Variants in ANK2 observed in about 807,000 individuals in gnomAD.
ANK2 encodes ankyrin-2.
Under a neutral mutation model 360.5 loss-of-function variants are expected in ANK2, and 83 were observed. The ratio of observed to expected loss-of-function variants is 0.23; its 90% confidence interval spans 0.19 to 0.28. The LOEUF is 0.28. ANK2 is among the 10% of genes least tolerant of loss of function. The pLI is 1.00. For synonymous variants in ANK2, 1,740 were observed against 1,759.5 expected, an observed-to-expected ratio of 0.99 and a Z score of 0.28; for missense variants, 4,201 against 4,795.7, an observed-to-expected ratio of 0.88 and a Z score of 3.66.
At position 113,282,792 on chromosome 4, in the gene ANK2, C is replaced by T; in HGVS notation, c.1999C>T (p.His667Tyr). The change falls in exon 18 of 46, where the codon CAT becomes TAT. Residue 667 changes from histidine to tyrosine, a missense_variant. His to Tyr is a moderately conservative substitution (Grantham distance 83). Around this residue, in one of 4 missense-constraint regions of ANK2, gnomAD observed 1,268 missense variants for 1,650.8 expected, o/e 0.77. Coordinates refer to ENST00000357077, the MANE Select transcript of ANK2 (RefSeq NM_001148.6). The stretch of plus-strand genomic sequence containing the variant: ...GACAAAGCAAGGAGTAACTCCACTC[C>T]ATCTGGCCTCGCAGGAGGGGCACAC... ...IVTKQGVTPL[H>Y]LASQEGHTDM... 1 of 1,614,022 alleles carries T rather than the reference C, an allele frequency of 6.2e-7. No homozygotes were observed. The highest frequency in any genetic ancestry group is 1.1e-5 in the South Asian group (1 of 91,076).
intron 1 of ANK2, among the ~76,000 whole-genome samples, chr4:112,841,878 C>T (rs1244104559): frequency 6.6e-6 from 1 of 152,080 alleles, no homozygotes; most frequent in Non-Finnish European, 1.5e-5. Flanking sequence ...AATCCAAAAA[C>T]AAATTATTTT....
At chr4:113,022,632 T>G (rs2058424631) in intron 2 of ANK2, among the ~76,000 whole-genome samples, 1 of 152,248 alleles carries the variant, frequency 6.6e-6, no homozygotes, top group African/African-American at 2.4e-5. Context: ...ACCTATTCTA[T>G]TAATCTTGCT....
In ANK2 at chr4:113,356,533, C is replaced by G. The variant is rs529384341; in HGVS notation, c.7915C>G (p.His2639Asp). Residue 2639 changes from histidine (H) to aspartate (D), a missense_variant, in exon 38 of 46, where the codon CAT becomes GAT. Coordinates refer to ENST00000357077, the MANE Select transcript of ANK2 (RefSeq NM_001148.6). ...DCSVDVDEPK[H>D]TGSGEDESGV... ...TTCAGTAGATGTGGATGAACCAAAA[C>G]ATACAGGCAGTGGGGAGGATGAAAG... 3.7e-6 allele frequency: 6 copies of G among 1,614,136 alleles called. No individual in the cohort carries two copies. The highest frequency in any genetic ancestry group is 3.3e-5 in the Admixed American group (2 of 60,016).
chr4:112,957,669 C>G (rs1325690068), intron 2 of ANK2, among the ~76,000 whole-genome samples: 1 of 147,552 alleles, frequency 6.8e-6, no homozygotes, highest in Non-Finnish European at 1.5e-5. Context: ...CCCTCCCGGA[C>G]GGGGCGGCTG....
intron 1 of ANK2, among the ~76,000 whole-genome samples, chr4:113,113,066 C>T (rs6533668): frequency 0.66 from 100,410 of 152,068 alleles, 33,439 homozygotes; most frequent in Non-Finnish European, 0.68. Flanking sequence ...TTCCTTACCT[C>T]GATCACTCAT....
intron 22 of ANK2, among the ~76,000 whole-genome samples, chr4:113,295,385 C>G (rs1398177284): frequency 6.6e-6 from 1 of 152,054 alleles, no homozygotes; most frequent in Non-Finnish European, 1.5e-5. Flanking sequence ...AGATATTACT[C>G]AGGTGAATGA....
At position 112,878,155 on chromosome 4, in the gene ANK2, C is replaced by CATCT. The variant is rs10525579; in HGVS notation, c.-39-26275_-39-26272dup. Among the ~76,000 whole-genome samples the CATCT allele has an allele frequency of 6.2e-3, 922 of 147,632 alleles. 4 individuals are homozygous for CATCT. The highest frequency in any genetic ancestry group is 0.028 in the Middle Eastern group (8 of 290). On this transcript the variant is annotated intron_variant, in intron 1 of 30. Transcript: ENST00000503271. The stretch of plus-strand genomic sequence containing the variant: ...CTAGCTTTTCCCCTAACTTTAGACT[C>CATCT]ATCTATCTATCTATCTATCTATCTA...
At chr4:113,166,476 C>T (rs1562558660) in intron 1 of ANK2, among the ~76,000 whole-genome samples, 1 of 151,906 alleles carries the variant, frequency 6.6e-6, no homozygotes, top group African/African-American at 2.4e-5. Context: ...TACATAAGCA[C>T]TTTCTAAAGT....
chr4:113,043,098 G>A (rs1387485606), intron 2 of ANK2, among the ~76,000 whole-genome samples: 2 of 152,070 alleles, frequency 1.3e-5, no homozygotes, highest in Non-Finnish European at 2.9e-5. Context: ...ATGAATAAAG[G>A]AATAAATAAA....
rs542960405 is a variant in ANK2, at chr4:113,258,928, TG to T, written c.1386+518del. Reference sequence around the variant, plus strand: ...CTTCAATTACATGGATTTCCCATTTTGTAACATTACGTTGATTTTTACTTTT... The same window carrying T: ...CTTCAATTACATGGATTTCCCATTTTTAACATTACGTTGATTTTTACTTTT... On this transcript the variant is annotated intron_variant, in intron 13 of 45. Transcript: ENST00000357077. Among the ~76,000 whole-genome samples, 650 of 152,352 alleles carry T rather than the reference TG, an allele frequency of 4.3e-3. 6 individuals are homozygous for T. Among genetic ancestry groups the T allele is most frequent in the African/African-American group, 0.015 (609 of 41,578 alleles).
the ANK2 span, among the ~76,000 whole-genome samples, chr4:112,768,898 A>G: frequency 6.6e-6 from 1 of 152,182 alleles, no homozygotes; most frequent in South Asian, 2.1e-4. Context: ...AGTATATCAA[A>G]AGAGAACCAT....
intron 2 of ANK2, among the ~76,000 whole-genome samples, chr4:112,946,886 C>CA (rs1414064117): frequency 6.6e-6 from 1 of 152,150 alleles, no homozygotes; most frequent in Non-Finnish European, 1.5e-5. Context: ...TTTTAAAATG[C>CA]ACTTCCTTAG....
At chr4:113,217,732 C>T (rs1055727568) in intron 4 of ANK2, among the ~76,000 whole-genome samples, 2 of 152,176 alleles carry the variant, frequency 1.3e-5, no homozygotes, top group African/African-American at 2.4e-5. Flanking sequence ...CCCGACTCAC[C>T]TTCTGCTGTG....
At chr4:112,911,659 T>A (rs1480802050) in intron 2 of ANK2, among the ~76,000 whole-genome samples, 2 of 152,224 alleles carry the variant, frequency 1.3e-5, no homozygotes, top group Non-Finnish European at 1.5e-5. Flanking sequence ...TCTGTTGCTA[T>A]GTTTTTCCTT....
chr4:112,854,941 T>C (rs553067137), intron 1 of ANK2, among the ~76,000 whole-genome samples: 46 of 152,194 alleles, frequency 3.0e-4, no homozygotes, highest in Non-Finnish European at 5.1e-4. Context: ...TTTGACTGGG[T>C]GTTACAGAAT....
chr4:112,894,078 C>T (rs1050594560), intron 1 of ANK2, among the ~76,000 whole-genome samples: 1 of 152,186 alleles, frequency 6.6e-6, no homozygotes, highest in Admixed American at 6.5e-5. Context: ...GACCCTTGCC[C>T]TTGTGCAGTT....
chr4:112,810,166 T>A, the ANK2 span, among the ~76,000 whole-genome samples: 1,025 of 32,016 alleles, frequency 0.032, no homozygotes, highest in East Asian at 0.12. Context: ...TATATTTTTT[T>A]TTTTTTTTTT....
chr4:113,301,898 G>A (rs368385204), intron 22 of ANK2, among the ~76,000 whole-genome samples: 1 of 152,142 alleles, frequency 6.6e-6, no homozygotes, highest in East Asian at 1.9e-4. Context: ...TTAATACTGA[G>A]TTACAATAAT....
intron 2 of ANK2, among the ~76,000 whole-genome samples, chr4:112,916,552 C>A (rs1374548504): frequency 6.6e-6 from 1 of 152,130 alleles, no homozygotes; most frequent in African/African-American, 2.4e-5. Flanking sequence ...CATTTGTAGT[C>A]TGTATATTTG....
Sources: allele counts gnomAD v4.1 joint callset (sites outside exome capture counted in the v4.1 genomes callset), GRCh38; gene constraint gnomAD v4.1.1; regional missense constraint gnomAD v4.1.1; transcripts MANE v1.5; gene names NCBI Gene and HGNC (gene_info 2026-07-23, HGNC 2026-07-21).